Variants in PDZD2 observed in about 807,000 individuals in gnomAD.
The protein encoded by PDZD2 is PDZ domain containing 2.
In PDZD2, 90 loss-of-function variants were observed where a neutral mutation model predicts 220.7. That is an observed-to-expected ratio of 0.41 (90% CI 0.34 to 0.49). The LOEUF (loss-of-function observed/expected upper bound fraction) is 0.49, where lower values mean the gene tolerates loss of function less well. Ranked by LOEUF, PDZD2 falls within the 20% of genes least tolerant of loss-of-function variation. PDZD2 has a pLI of 0.28. For synonymous variants in PDZD2, 1,375 were observed against 1,450.5 expected (o/e 0.95, Z 1.18); for missense variants, 3,174 against 3,608.5 (o/e 0.88, Z 3.08).
In PDZD2 at chr5:31,639,601, G is replaced by A. The variant is rs955942798; in HGVS notation, c.-361+164G>A. 6.6e-6 allele frequency among the ~76,000 whole-genome samples: 1 copy of A among 152,146 alleles called. No individual in the cohort carries two copies. Among genetic ancestry groups the A allele is most frequent in the Non-Finnish European group, 1.5e-5 (1 of 68,010 alleles). On this transcript the variant is annotated intron_variant, in intron 1 of 24. Coordinates refer to ENST00000438447, the MANE Select transcript of PDZD2 (RefSeq NM_178140.4). The surrounding 1 kb of genome is among the most constrained non-coding windows in gnomAD (Gnocchi z 4.1). ...GGGCGGGGAGTGAGGACGCCGAACC[G>A]GGGTCCCACGTTGGGCGGCGCAAAC...
chr5:31,991,641 T>A (rs1213838300), intron 3 of PDZD2, among the ~76,000 whole-genome samples: 3 of 152,216 alleles, frequency 2.0e-5, no homozygotes, highest in Non-Finnish European at 4.4e-5. Flanking sequence ...TAAGTTGGCC[T>A]GTTAGATTTT....
chr5:32,060,075 G>T (rs187351102), intron 13 of PDZD2, among the ~76,000 whole-genome samples: 2 of 152,250 alleles, frequency 1.3e-5, no homozygotes, highest in Non-Finnish European at 2.9e-5. Context: ...TCCTTTAGTG[G>T]TTAAGGGATT....
intron 21 of PDZD2, among the ~76,000 whole-genome samples, chr5:32,094,794 A>T (rs1743487785): frequency 1.3e-5 from 2 of 152,078 alleles, no homozygotes; most frequent in Non-Finnish European, 2.9e-5. Flanking sequence ...CAGGAGAATC[A>T]CTTGGGTCCA....
At chr5:32,043,336 T>C (rs1737600599) in intron 7 of PDZD2, among the ~76,000 whole-genome samples, 1 of 152,228 alleles carries the variant, frequency 6.6e-6, no homozygotes, top group African/African-American at 2.4e-5. Context: ...AAACGTAGCA[T>C]GGAGGAGGAA....
chr5:32,012,445 G>A (rs923791321), intron 6 of PDZD2, among the ~76,000 whole-genome samples: 4 of 152,154 alleles, frequency 2.6e-5, no homozygotes, highest in South Asian at 2.1e-4. Context: ...GTGCAGTGGC[G>A]TGATCTTGGC....
chr5:31,937,023 T>C (rs1026023846), intron 2 of PDZD2, among the ~76,000 whole-genome samples: 1 of 151,992 alleles, frequency 6.6e-6, no homozygotes, highest in Admixed American at 6.6e-5. Context: ...AAGTAGAAAA[T>C]AAATGGGGAG....
chr5:31,739,653 T>A (rs908381299), intron 1 of PDZD2, among the ~76,000 whole-genome samples: 27 of 152,228 alleles, frequency 1.8e-4, no homozygotes, highest in Non-Finnish European at 3.2e-4. Context: ...TACCAGCCAT[T>A]TAATTCCTCC....
At chr5:32,079,269 CA>C (rs796887034) in intron 19 of PDZD2, among the ~76,000 whole-genome samples, 5 of 82,810 alleles carry the variant, frequency 6.0e-5, no homozygotes, top group Admixed American at 1.1e-4. Flanking sequence ...AAAAAAAAAA[CA>C]AAAAAAAAAC....
intron 2 of PDZD2, among the ~76,000 whole-genome samples, chr5:31,902,743 T>C (rs1561556419): frequency 1.3e-5 from 2 of 151,828 alleles, no homozygotes; most frequent in Non-Finnish European, 2.9e-5. Flanking sequence ...GGCACGTGCC[T>C]GTAATCCCAG....
At chr5:31,822,657 C>G (rs1755957106) in intron 2 of PDZD2, 1 of 1,332,396 alleles carries the variant, frequency 7.5e-7, no homozygotes, top group African/African-American at 1.4e-5. Flanking sequence ...CTTGCTGAAT[C>G]AAAGCCACTG....
At chr5:31,855,647 T>C (rs565884777) in intron 2 of PDZD2, among the ~76,000 whole-genome samples, 2 of 152,316 alleles carry the variant, frequency 1.3e-5, no homozygotes, top group East Asian at 3.9e-4. Flanking sequence ...CAAAGCTGCT[T>C]TCTCTACCCG....
At chr5:32,091,833 G>A (rs902461768) in intron 20 of PDZD2, among the ~76,000 whole-genome samples, 1 of 152,124 alleles carries the variant, frequency 6.6e-6, no homozygotes, top group Non-Finnish European at 1.5e-5. Flanking sequence ...CCAAAGTGTC[G>A]CTCTGAGGAG....
At chr5:31,865,944 T>C (rs62361599) in intron 2 of PDZD2, among the ~76,000 whole-genome samples, 22 of 150,164 alleles carry the variant, frequency 1.5e-4, no homozygotes, top group Non-Finnish European at 3.1e-4. Flanking sequence ...TTTTTTTTTT[T>C]AATCCCCTGG....
In PDZD2 at chr5:31,983,425, G is replaced by A. The variant is rs749194537; in HGVS notation, c.747G>A (p.Glu249=). The change falls in exon 3 of 25, where the codon GAG becomes GAA. Residue 249 remains glutamate, a synonymous_variant. Coordinates refer to ENST00000438447, the MANE Select transcript of PDZD2 (RefSeq NM_178140.4). ...GCEVSSDPST[E]LENGPDPELG... is the part of the protein sequence containing the mutation. The stretch of plus-strand genomic sequence containing the variant: ...AGGTGTCCAGTGACCCCAGCACTGA[G>A]CTGGAGAACGGCCCTGACCCTGAAC... 3.1e-6 allele frequency: 5 copies of A among 1,614,070 alleles called. No individual in the cohort carries two copies. Among genetic ancestry groups the A allele is most frequent in the African/African-American group, 2.7e-5 (2 of 74,922 alleles).
chr5:31,846,516 C>G (rs1460364836), intron 2 of PDZD2, among the ~76,000 whole-genome samples: 1 of 152,204 alleles, frequency 6.6e-6, no homozygotes, highest in Non-Finnish European at 1.5e-5. Context: ...ACGTCATTCA[C>G]TCATCCATCC....
At chr5:31,770,883 CT>C (rs1053769595) in intron 1 of PDZD2, among the ~76,000 whole-genome samples, 1 of 151,150 alleles carries the variant, frequency 6.6e-6, no homozygotes. Flanking sequence ...TGTCTTTTTA[CT>C]TTTTTTTTCC....
At chr5:31,937,476 A>G (rs1745857016) in intron 2 of PDZD2, among the ~76,000 whole-genome samples, 1 of 152,164 alleles carries the variant, frequency 6.6e-6, no homozygotes, top group South Asian at 2.1e-4. Flanking sequence ...TGCTTGGGTT[A>G]CTGCTTACTG....
chr5:31,995,102 G>A (rs557788153), intron 3 of PDZD2, among the ~76,000 whole-genome samples: 4 of 152,176 alleles, frequency 2.6e-5, no homozygotes, highest in Non-Finnish European at 5.9e-5. Context: ...GAAGTCAAAG[G>A]CCCCCAGAAA....
chr5:31,983,774 A>C (rs1408210318), intron 3 of PDZD2, 118 bp downstream of exon 3: 4 of 1,066,164 alleles, frequency 3.8e-6, no homozygotes, highest in Non-Finnish European at 4.1e-6. Context: ...TTTTGAAAGA[A>C]ATATTGTTTG....
Sources: gnomAD v4.1 joint callset for allele counts (sites outside exome capture counted in the v4.1 genomes callset) on GRCh38, gnomAD v4.1.1 for gene constraint, Gnocchi (gnomAD v3.1) non-coding constraint, MANE v1.5 for transcripts, NCBI Gene and HGNC (gene_info 2026-07-23, HGNC 2026-07-21) for gene names.